Variants in ANTXR1 observed in about 807,000 individuals in gnomAD.
The protein encoded by ANTXR1 is anthrax toxin receptor 1.
A neutral mutation model predicts 78.1 loss-of-function variants in ANTXR1; 19 were observed. The ratio of observed to expected loss-of-function variants is 0.24; its 90% CI spans 0.17 to 0.36. ANTXR1 has a LOEUF of 0.36. ANTXR1 is among the 10% of genes least tolerant of loss of function. ANTXR1 has a pLI of 1.00. For synonymous variants in ANTXR1, 273 were observed against 260.5 expected, an observed-to-expected ratio of 1.05 and a Z score of -0.46; for missense variants, 518 against 718.6, an observed-to-expected ratio of 0.72 and a Z score of 3.19.
At chr2:69,067,443 GC>G (rs1183554339) in intron 3 of ANTXR1, among the ~76,000 whole-genome samples, 2 of 128,576 alleles carry the variant, frequency 1.6e-5, no homozygotes, top group East Asian at 4.5e-4. Flanking sequence ...CCCCCAAGAA[GC>G]CTTTTTTTTT....
chr2:69,114,002 T>C (rs1176082672), intron 10 of ANTXR1, among the ~76,000 whole-genome samples: 7 of 152,222 alleles, frequency 4.6e-5, no homozygotes, highest in African/African-American at 1.7e-4. Context: ...GAAAATACTT[T>C]GCAAGAACGC....
intron 1 of ANTXR1, among the ~76,000 whole-genome samples, chr2:69,028,321 A>C (rs562017607): frequency 6.6e-6 from 1 of 152,262 alleles, no homozygotes; most frequent in African/African-American, 2.4e-5. Context: ...TAAAAGACAA[A>C]AGAAGAACTT....
chr2:69,142,132 T>C (rs1673087150), intron 12 of ANTXR1, among the ~76,000 whole-genome samples: 1 of 152,222 alleles, frequency 6.6e-6, no homozygotes, highest in Non-Finnish European at 1.5e-5. Context: ...ATTTGGATCA[T>C]CTTTTCCTGC....
chr2:69,218,405 A>T (rs560513169), intron 17 of ANTXR1, among the ~76,000 whole-genome samples: 1 of 152,228 alleles, frequency 6.6e-6, no homozygotes, highest in African/African-American at 2.4e-5. Context: ...ACTGAGGACA[A>T]GTCAGTAGGG....
intron 3 of ANTXR1, among the ~76,000 whole-genome samples, chr2:69,067,744 G>A (rs889851542): frequency 1.2e-4 from 18 of 152,058 alleles, no homozygotes; most frequent in African/African-American, 3.4e-4. Flanking sequence ...TCTGCTGCTC[G>A]GACCCTCATG....
intron 17 of ANTXR1, among the ~76,000 whole-genome samples, chr2:69,208,214 G>T (rs1189579089): frequency 2.0e-5 from 3 of 152,184 alleles, no homozygotes; most frequent in Non-Finnish European, 1.5e-5. Flanking sequence ...CTAGGCATTT[G>T]TCTGCCCCCT....
At chr2:69,124,721 C>T (rs1236151769) in intron 12 of ANTXR1, 78 bp downstream of exon 12, 1 of 1,519,358 alleles carries the variant, frequency 6.6e-7, no homozygotes, top group East Asian at 2.3e-5. Flanking sequence ...GTAATCTTCT[C>T]CAAAGGTACC....
chr2:69,153,024 GA>G (rs925162143), intron 13 of ANTXR1, among the ~76,000 whole-genome samples: 11 of 150,800 alleles, frequency 7.3e-5, no homozygotes, highest in African/African-American at 2.4e-4. Flanking sequence ...GCCAAATAAA[GA>G]AAAAAAAACA....
chr2:69,223,565 C>T (rs1675372120), intron 17 of ANTXR1, among the ~76,000 whole-genome samples: 1 of 152,200 alleles, frequency 6.6e-6, no homozygotes, highest in African/African-American at 2.4e-5. Flanking sequence ...TTGATCCAAA[C>T]TGGGAGGTCA....
chr2:69,188,496 CT>C (rs1175268195), intron 16 of ANTXR1, among the ~76,000 whole-genome samples: 1 of 152,240 alleles, frequency 6.6e-6, no homozygotes, highest in African/African-American at 2.4e-5. Context: ...AGAACTTCCA[CT>C]TTGCCTTTGT....
intron 16 of ANTXR1, among the ~76,000 whole-genome samples, chr2:69,189,652 G>GGTC: frequency 6.6e-6 from 1 of 152,232 alleles, no homozygotes; most frequent in African/African-American, 2.4e-5. Flanking sequence ...GTCAGGGGTG[G>GGTC]ATGGGAAGAG....
At chr2:69,187,516 G>A (rs756494872) in intron 16 of ANTXR1, among the ~76,000 whole-genome samples, 71 of 149,344 alleles carry the variant, frequency 4.8e-4, no homozygotes, top group Non-Finnish European at 9.2e-4. Flanking sequence ...AGTTTCTGAC[G>A]TTATCCGTTA....
intron 13 of ANTXR1, among the ~76,000 whole-genome samples, chr2:69,164,921 A>G (rs1379693760): frequency 6.6e-6 from 1 of 152,252 alleles, no homozygotes; most frequent in Non-Finnish European, 1.5e-5. Flanking sequence ...GCAAGTCTCA[A>G]CAGAACACTC....
rs1670542427 is a variant in ANTXR1, at chr2:69,070,869, C to T, written c.378+141C>T. Reference sequence around the variant, plus strand: ...AGAGAGTACATTTTCTTCCCATAAGCTTGTACACTGACCACTCTAGCCAAA... The same window carrying T: ...AGAGAGTACATTTTCTTCCCATAAGTTTGTACACTGACCACTCTAGCCAAA... On this transcript the variant is annotated intron_variant, in intron 4 of 17. Coordinates refer to ENST00000303714, the MANE Select transcript of ANTXR1 (RefSeq NM_032208.3). 6.3e-5 allele frequency: 48 copies of T among 759,454 alleles called. 4 individuals are homozygous for T. In the South Asian group the frequency reaches 7.0e-4, roughly 11 times the overall value. 47.0% of individuals were successfully genotyped at this position (759,454 alleles called of 1,614,324 possible).
At chr2:69,151,186 CTTTTTTTTTTTTT>C (rs59147668) in intron 12 of ANTXR1, among the ~76,000 whole-genome samples, 16 of 82,562 alleles carry the variant, frequency 1.9e-4, no homozygotes, top group African/African-American at 5.8e-4. Context: ...TGATTATTTT[CTTTTTTTTTTTTT>C]TTTTTTTTTT....
At chr2:69,060,687 C>T (rs1397586817) in intron 3 of ANTXR1, among the ~76,000 whole-genome samples, 1 of 152,160 alleles carries the variant, frequency 6.6e-6, no homozygotes, top group Admixed American at 6.6e-5. Flanking sequence ...GGTTGAGGAA[C>T]ATGAAGCCAG....
intron 10 of ANTXR1, among the ~76,000 whole-genome samples, chr2:69,117,250 C>A (rs1672173222): frequency 6.6e-6 from 1 of 152,200 alleles, no homozygotes; most frequent in Non-Finnish European, 1.5e-5. Context: ...CATTATAAGA[C>A]TAGCTGGGCT....
chr2:69,042,192 C>T (rs1669632576), intron 2 of ANTXR1, among the ~76,000 whole-genome samples: 4 of 152,010 alleles, frequency 2.6e-5, no homozygotes, highest in Non-Finnish European at 2.9e-5. Context: ...CATTTTGAGT[C>T]CTTTTATTTA....
chr2:69,197,469 G>A (rs138061820), intron 17 of ANTXR1, among the ~76,000 whole-genome samples: 1 of 152,280 alleles, frequency 6.6e-6, no homozygotes, highest in Non-Finnish European at 1.5e-5. Context: ...GGAATTAATT[G>A]CTGGTCATGC....
Sources: allele counts gnomAD v4.1 joint callset (sites outside exome capture counted in the v4.1 genomes callset), GRCh38; gene constraint gnomAD v4.1.1; transcripts MANE v1.5; gene names NCBI Gene and HGNC (gene_info 2026-07-23, HGNC 2026-07-21).